Variants in PPHLN1 observed in about 807,000 individuals in gnomAD.
The protein encoded by PPHLN1 is periphilin 1, also known as periphilin-1.
Under a neutral mutation model 51.3 loss-of-function variants are expected in PPHLN1, and 29 were observed. The observed-to-expected ratio is 0.57, with a 90% CI of 0.42 to 0.77. The LOEUF is 0.77. Among genes scored for constraint, PPHLN1 ranks in the 30% least tolerant of loss-of-function variants. The pLI is 0.00. For synonymous variants in PPHLN1, 147 were observed against 147.8 expected (o/e 0.99, Z 0.04); for missense variants, 436 against 438.4 (o/e 0.99, Z 0.05).
intron 2 of PPHLN1, among the ~76,000 whole-genome samples, chr12:42,340,550 T>C (rs74078049): frequency 0.021 from 3,218 of 152,222 alleles, 124 homozygotes; most frequent in African/African-American, 0.074. Context: ...TTCACAAATA[T>C]AATATTAAAA....
At chr12:42,361,729 T>C (rs890523277) in intron 4 of PPHLN1, 2 of 152,244 alleles carry the variant, frequency 1.3e-5, no homozygotes, top group Admixed American at 6.5e-5. Context: ...TTCATGAGCA[T>C]TAATTCTATT....
intron 8 of PPHLN1, 60 bp downstream of exon 8, chr12:42,393,749 A>G: frequency 1.3e-6 from 2 of 1,483,640 alleles, no homozygotes; most frequent in East Asian, 2.3e-5. Flanking sequence ...ATTTTAAATT[A>G]TGGGCGAAAA....
At chr12:42,378,587 C>T (rs1314627433) in intron 5 of PPHLN1, among the ~76,000 whole-genome samples, 3 of 144,678 alleles carry the variant, frequency 2.1e-5, no homozygotes, top group Non-Finnish European at 3.0e-5. Context: ...TAATTATGCC[C>T]TCATTAAAAA....
At chr12:42,332,774 A>G in intron 1 of PPHLN1, 1 of 876,814 alleles carries the variant, frequency 1.1e-6, no homozygotes, top group South Asian at 1.9e-5. Context: ...GTAAATTTTA[A>G]TATTTCAGTA....
At chr12:42,404,059 G>A (rs1461488499) in intron 9 of PPHLN1, among the ~76,000 whole-genome samples, 1 of 149,320 alleles carries the variant, frequency 6.7e-6, no homozygotes, top group Middle Eastern at 3.4e-3. Context: ...TTTTTGAAAC[G>A]AGGTCTCACT....
At chr12:42,412,439 C>T (rs1203753222) in intron 9 of PPHLN1, among the ~76,000 whole-genome samples, 1 of 150,790 alleles carries the variant, frequency 6.6e-6, no homozygotes, top group African/African-American at 2.4e-5. Flanking sequence ...TTTTTTTTTA[C>T]AGCTGAATAG....
chr12:42,369,533 A>T (rs778957666), intron 4 of PPHLN1, among the ~76,000 whole-genome samples: 2 of 152,224 alleles, frequency 1.3e-5, no homozygotes, highest in Admixed American at 6.5e-5. Context: ...TGAGTGCTAT[A>T]TGCCAGGTTC....
chr12:42,361,619 G>GTGGT (rs559337633), intron 4 of PPHLN1: 4 of 152,146 alleles, frequency 2.6e-5, no homozygotes, highest in South Asian at 2.1e-4. Flanking sequence ...GTTAGCTTCT[G>GTGGT]TGGTTGGTTG....
rs1010565126 is a variant in PPHLN1 at position 42,403,935 on chromosome 12, A to AT, written c.909+4949dup. Among the ~76,000 whole-genome samples the AT allele has an allele frequency of 1.1e-4, 17 of 151,866 alleles. No homozygotes were observed. In the East Asian group the frequency reaches 1.2e-3, roughly 10 times the overall value. ...TCAATTTTGTTTTCTTAGGTCAACA[A>AT]TTTTTTTTAGTCTCTGAGTATTTTA... On this transcript the variant is annotated intron_variant, in intron 9 of 9. Coordinates refer to ENST00000358314, the MANE Select transcript of PPHLN1 (RefSeq NM_201439.2).
At chr12:42,334,129 G>C (rs559092670) in intron 1 of PPHLN1, among the ~76,000 whole-genome samples, 16 of 152,232 alleles carry the variant, frequency 1.1e-4, no homozygotes, top group African/African-American at 2.2e-4. Flanking sequence ...CAGTAAAGGT[G>C]GGGGAGGAGG....
chr12:42,354,364 G>A (rs2073790988), intron 3 of PPHLN1, among the ~76,000 whole-genome samples: 2 of 152,060 alleles, frequency 1.3e-5, no homozygotes, highest in South Asian at 4.2e-4. Context: ...GACTATAGGT[G>A]CACGCCACCG....
chr12:42,328,750 C>T (rs1481755204), intron 1 of PPHLN1, among the ~76,000 whole-genome samples: 1 of 151,962 alleles, frequency 6.6e-6, no homozygotes, highest in Admixed American at 6.6e-5. Context: ...TGCTCTGTTG[C>T]CCAGGCTGGA....
At chr12:42,427,428 A>T (rs529432001) in intron 9 of PPHLN1, among the ~76,000 whole-genome samples, 11 of 152,360 alleles carry the variant, frequency 7.2e-5, no homozygotes, top group Non-Finnish European at 1.0e-4. Context: ...AAGCACATAG[A>T]TCAATGGAAC....
intron 7 of PPHLN1, among the ~76,000 whole-genome samples, chr12:42,392,237 C>T (rs1176614262): frequency 1.3e-5 from 2 of 152,112 alleles, no homozygotes; most frequent in African/African-American, 4.8e-5. Flanking sequence ...CCCAAAAAAG[C>T]CTAGATTTAA....
rs1249010661 is a variant in PPHLN1 at position 42,385,231 on chromosome 12, C to G, written c.568+235C>G. 3.3e-5 allele frequency among the ~76,000 whole-genome samples: 5 copies of G among 152,196 alleles called. No homozygotes were observed. The East Asian group carries it at 9.6e-4, about 29-fold the overall frequency. The stretch of plus-strand genomic sequence containing the variant: ...AGGAGGCTGAGATCTGTAGAATAGA[C>G]AGGCCATTGGAAGATAGGACCTGAC... On this transcript the variant is annotated intron_variant, in intron 6 of 9. Transcript: ENST00000358314.
chr12:42,367,878 G>A (rs749503839), intron 4 of PPHLN1, among the ~76,000 whole-genome samples: 6 of 152,138 alleles, frequency 3.9e-5, no homozygotes, highest in Non-Finnish European at 7.3e-5. Flanking sequence ...GGGACTACAG[G>A]TGTGCACCAC....
intron 7 of PPHLN1, among the ~76,000 whole-genome samples, chr12:42,391,638 C>A (rs1465351500): frequency 1.3e-5 from 2 of 151,858 alleles, no homozygotes; most frequent in Non-Finnish European, 2.9e-5. Flanking sequence ...GAAAAAAAAA[C>A]AACTTTCTTG....
At chr12:42,436,249 T>C (rs1237926376) in intron 9 of PPHLN1, among the ~76,000 whole-genome samples, 1 of 151,766 alleles carries the variant, frequency 6.6e-6, no homozygotes, top group Non-Finnish European at 1.5e-5. Context: ...GTTTTAGATG[T>C]CTGCACTTGG....
intron 9 of PPHLN1, among the ~76,000 whole-genome samples, chr12:42,418,040 C>T (rs544738956): frequency 1.8e-4 from 27 of 145,970 alleles, no homozygotes; most frequent in Non-Finnish European, 3.7e-4. Flanking sequence ...CCTGGGTTCA[C>T]GCCATTCTCC....
Sources: allele counts gnomAD v4.1 joint callset (sites outside exome capture counted in the v4.1 genomes callset), GRCh38; gene constraint gnomAD v4.1.1; transcripts MANE v1.5; gene names NCBI Gene and HGNC (gene_info 2026-07-23, HGNC 2026-07-21).